DENND1A: variants seen among roughly 807,000 people sequenced by gnomAD.
DENND1A encodes DENN domain-containing protein 1A.
In DENND1A, 51 loss-of-function variants were observed where a neutral mutation model predicts 113.7. The observed-to-expected ratio is 0.45, with a 90% confidence interval of 0.36 to 0.57. The LOEUF (loss-of-function observed/expected upper bound fraction) is 0.57, where lower values mean the gene tolerates loss of function less well. Ranked by LOEUF, DENND1A falls within the 20% of genes least tolerant of loss-of-function variation. The pLI, the probability that DENND1A is intolerant of heterozygous loss-of-function variation, is 0.00. For synonymous variants in DENND1A, 565 were observed against 570.8 expected, an observed-to-expected ratio of 0.99 and a Z score of 0.14; for missense variants, 1,258 against 1,395.9, an observed-to-expected ratio of 0.90 and a Z score of 1.57.
intron 5 of DENND1A, among the ~76,000 whole-genome samples, chr9:123,730,969 A>C (rs1050658565): frequency 3.9e-5 from 6 of 152,318 alleles, no homozygotes; most frequent in Admixed American, 3.9e-4. Context: ...GACATGGATG[A>C]AGCTGGAAAC....
intron 2 of DENND1A, among the ~76,000 whole-genome samples, chr9:123,802,683 C>G (rs957679930): frequency 1.3e-5 from 2 of 151,902 alleles, no homozygotes; most frequent in African/African-American, 4.8e-5. Context: ...GGCATATACT[C>G]TATCCATCTT....
At chr9:123,742,500 G>A (rs767132553) in intron 5 of DENND1A, among the ~76,000 whole-genome samples, 1 of 152,128 alleles carries the variant, frequency 6.6e-6, no homozygotes, top group Non-Finnish European at 1.5e-5. Flanking sequence ...ACATGTTTCT[G>A]CTCAATTAAA....
At chr9:123,446,344 G>A (rs528375158) in intron 18 of DENND1A, among the ~76,000 whole-genome samples, 1 of 152,310 alleles carries the variant, frequency 6.6e-6, no homozygotes, top group Non-Finnish European at 1.5e-5. Flanking sequence ...ATTTTAATGT[G>A]TCGGGAGACA....
At chr9:123,734,395 T>C (rs2068407059) in intron 5 of DENND1A, among the ~76,000 whole-genome samples, 1 of 152,178 alleles carries the variant, frequency 6.6e-6, no homozygotes, top group South Asian at 2.1e-4. Flanking sequence ...TTTAATTATA[T>C]GTCTGCCTTC....
At position 123,445,182 on chromosome 9, in the gene DENND1A, G is replaced by A. The variant is rs889382068; in HGVS notation, c.1357-4691C>T. Among the ~76,000 whole-genome samples the A allele has an allele frequency of 1.5e-3, 235 of 152,346 alleles. 1 individual carries two copies. The highest frequency in any genetic ancestry group is 5.5e-3 in the African/African-American group (228 of 41,576). ...ACATGAGTCTCCATGAGAAATCGGGGAGGTAAGGACCCAGGGTCTCGGGAG... is the reference window on the plus strand; with the variant it reads ...ACATGAGTCTCCATGAGAAATCGGGAAGGTAAGGACCCAGGGTCTCGGGAG... On this transcript the variant is annotated intron_variant, in intron 18 of 23. Transcript: ENST00000394215.
In DENND1A at chr9:123,671,322, G is replaced by A. The variant is rs769278710; in HGVS notation, c.422C>T (p.Pro141Leu). The change falls in exon 7 of 24, where the codon CCT becomes CTT. Residue 141 changes from proline (P) to leucine (L), a missense_variant. By Grantham distance (98) the Pro-to-Leu change is moderately conservative (BLOSUM62 -3). Around this residue, in one of 2 missense-constraint regions of DENND1A, gnomAD observed 99 missense variants for 164.2 expected, o/e 0.60. Coordinates refer to ENST00000394215, the MANE Select transcript of DENND1A (RefSeq NM_001352964.2). The stretch of plus-strand genomic sequence containing the variant: ...GAGATGGACAGACACTCCTGGGTCA[G>A]GGATGGGAAGTTTGTGCAGAGTTTC... The part of the protein sequence containing the change: ...LLETLHKLPI[P>L]DPGVSVHLSV... The A allele has an allele frequency of 2.5e-6, 4 of 1,614,048 alleles. No homozygotes were observed. The highest frequency in any genetic ancestry group is 4.5e-5 in the East Asian group (2 of 44,886).
intron 4 of DENND1A, 124 bp from the exon 5 acceptor site, chr9:123,757,946 A>C: frequency 5.9e-6 from 7 of 1,181,900 alleles, no homozygotes; most frequent in Non-Finnish European, 6.8e-6. Flanking sequence ...TAAAATTTAC[A>C]CATTTCAAGG....
intron 13 of DENND1A, among the ~76,000 whole-genome samples, chr9:123,498,024 T>G (rs2052102052): frequency 6.6e-6 from 1 of 152,210 alleles, no homozygotes; most frequent in Non-Finnish European, 1.5e-5. Context: ...TGAAGAAAGA[T>G]ATGCGCAATT....
At chr9:123,496,614 G>C (rs565822355) in intron 13 of DENND1A, among the ~76,000 whole-genome samples, 42 of 152,290 alleles carry the variant, frequency 2.8e-4, no homozygotes, top group African/African-American at 7.9e-4. Flanking sequence ...TGCTGGACTG[G>C]GAAGGCAGAA....
At chr9:123,769,167 A>G (rs1436940998) in intron 4 of DENND1A, among the ~76,000 whole-genome samples, 1 of 152,242 alleles carries the variant, frequency 6.6e-6, no homozygotes, top group East Asian at 1.9e-4. Flanking sequence ...GAATCAAGTA[A>G]TATTACTTGT....
intron 1 of DENND1A, among the ~76,000 whole-genome samples, chr9:123,898,129 T>C (rs759618109): frequency 1.1e-4 from 16 of 152,148 alleles, no homozygotes; most frequent in East Asian, 3.9e-4. Flanking sequence ...AGCCATTCTA[T>C]TGGGGGTGTA....
At chr9:123,797,502 A>G (rs1833960693) in intron 2 of DENND1A, among the ~76,000 whole-genome samples, 1 of 152,148 alleles carries the variant, frequency 6.6e-6, no homozygotes, top group South Asian at 2.1e-4. Flanking sequence ...TCAAGAAGAA[A>G]ATTTTTTTGT....
At chr9:123,611,973 G>A (rs1034143646) in intron 10 of DENND1A, among the ~76,000 whole-genome samples, 1 of 152,212 alleles carries the variant, frequency 6.6e-6, no homozygotes, top group African/African-American at 2.4e-5. Context: ...TATCCAAAGA[G>A]TAATTATGGC....
intron 7 of DENND1A, 108 bp from the exon 8 acceptor site, chr9:123,667,187 A>C: frequency 8.8e-7 from 1 of 1,133,692 alleles, no homozygotes; most frequent in Admixed American, 2.8e-5. Flanking sequence ...CAGAAAAGGA[A>C]ACGGTTTCAC....
intron 18 of DENND1A, among the ~76,000 whole-genome samples, chr9:123,443,969 A>T (rs913473436): frequency 6.6e-6 from 1 of 151,974 alleles, no homozygotes; most frequent in Non-Finnish European, 1.5e-5. Flanking sequence ...GAAAAAAATA[A>T]GGTGGGGGGC....
chr9:123,747,774 T>C (rs570037285), intron 5 of DENND1A, among the ~76,000 whole-genome samples: 76 of 152,334 alleles, frequency 5.0e-4, no homozygotes, highest in African/African-American at 1.6e-3. Flanking sequence ...TTACAACTCA[T>C]GCTAATAAAA....
chr9:123,671,955 T>G (rs1484110009), intron 6 of DENND1A, among the ~76,000 whole-genome samples: 1 of 152,186 alleles, frequency 6.6e-6, no homozygotes, highest in Admixed American at 6.5e-5. Context: ...TGGATTCACC[T>G]CTAAAATGCT....
chr9:123,782,234 T>A (rs776487532), intron 3 of DENND1A, among the ~76,000 whole-genome samples: 1 of 152,138 alleles, frequency 6.6e-6, no homozygotes, highest in Non-Finnish European at 1.5e-5. Flanking sequence ...ATGATAAGTA[T>A]CTGGCAGGTT....
intron 5 of DENND1A, among the ~76,000 whole-genome samples, chr9:123,685,969 T>C (rs2064783203): frequency 6.6e-6 from 1 of 150,876 alleles, no homozygotes; most frequent in Non-Finnish European, 1.5e-5. Context: ...GGAGCTTTCA[T>C]AGCCTAGGAA....
Sources: allele counts gnomAD v4.1 joint callset (sites outside exome capture counted in the v4.1 genomes callset), GRCh38; gene constraint gnomAD v4.1.1; regional missense constraint gnomAD v4.1.1; transcripts MANE v1.5; gene names NCBI Gene and HGNC (gene_info 2026-07-23, HGNC 2026-07-21).